CFDP1: variants seen among roughly 807,000 people sequenced by gnomAD.
CFDP1 encodes heterochromatin-stabilizing protein CFDP1.
Under a neutral mutation model 40.1 loss-of-function variants are expected in CFDP1, and 31 were observed. That is an observed-to-expected ratio of 0.77 (90% CI 0.58 to 1.04). CFDP1 has a LOEUF of 1.04. CFDP1 is among the 50% of genes least tolerant of loss of function. The pLI, the probability that CFDP1 is intolerant of heterozygous loss-of-function variation, is 0.00. For synonymous variants in CFDP1, 167 were observed against 120.0 expected, an observed-to-expected ratio of 1.39 and a Z score of -2.56; for missense variants, 423 against 343.4, an observed-to-expected ratio of 1.23 and a Z score of -1.83.
At chr16:75,328,118 T>C (rs2078416940) in intron 5 of CFDP1, among the ~76,000 whole-genome samples, 1 of 149,958 alleles carries the variant, frequency 6.7e-6, no homozygotes, top group Non-Finnish European at 1.5e-5. Flanking sequence ...TGTTAAATCC[T>C]CTTCTAAAAC....
chr16:75,328,629 G>A (rs2078422192), intron 5 of CFDP1, among the ~76,000 whole-genome samples: 2 of 144,482 alleles, frequency 1.4e-5, no homozygotes, highest in Non-Finnish European at 1.5e-5. Context: ...AAAAACTAGA[G>A]TGGAGGAAGT....
chr16:75,423,197 C>T lies in CFDP1; in HGVS notation c.65-8502G>A, dbSNP rs534466211. Among the ~76,000 whole-genome samples, 27 of 148,962 alleles carry T rather than the reference C, an allele frequency of 1.8e-4. No individual in the cohort carries two copies. In the East Asian group the frequency reaches 5.4e-3, roughly 30 times the overall value. ...TCGGGAGGCTGAGGCAGGAGAATGG[C>T]GTGAACCCGGGAGGCAGGGCTGGCA... On this transcript the variant is annotated intron_variant, in intron 1 of 6. Coordinates refer to ENST00000283882, the MANE Select transcript of CFDP1 (RefSeq NM_006324.3).
intron 5 of CFDP1, among the ~76,000 whole-genome samples, chr16:75,386,284 A>C (rs1272812286): frequency 2.6e-5 from 4 of 152,256 alleles, no homozygotes; most frequent in African/African-American, 7.2e-5. Flanking sequence ...AGAATTTTCT[A>C]AGAACACTAG....
chr16:75,386,260 G>A (rs1212575521), intron 5 of CFDP1, among the ~76,000 whole-genome samples: 1 of 152,140 alleles, frequency 6.6e-6, no homozygotes, highest in African/African-American at 2.4e-5. Flanking sequence ...TGTAAATAAA[G>A]TTCATCTCTT....
At chr16:75,357,501 T>C (rs1037282534) in intron 5 of CFDP1, among the ~76,000 whole-genome samples, 12 of 152,142 alleles carry the variant, frequency 7.9e-5, no homozygotes, top group African/African-American at 2.9e-4. Flanking sequence ...CTGATCTACC[T>C]GCCTTGACTT....
chr16:75,319,337 CAG>C (rs1477545033), intron 5 of CFDP1, among the ~76,000 whole-genome samples: 1 of 152,180 alleles, frequency 6.6e-6, no homozygotes, highest in Non-Finnish European at 1.5e-5. Flanking sequence ...CCACCACGCC[CAG>C]CCCCAAACTT....
At chr16:75,376,882 T>C (rs1184073702) in intron 5 of CFDP1, among the ~76,000 whole-genome samples, 1 of 152,218 alleles carries the variant, frequency 6.6e-6, no homozygotes, top group Admixed American at 6.5e-5. Context: ...ACCCTTTTCC[T>C]AGAAATTTCT....
intron 4 of CFDP1, among the ~76,000 whole-genome samples, chr16:75,405,038 G>A (rs148100658): frequency 6.6e-6 from 1 of 152,270 alleles, no homozygotes; most frequent in African/African-American, 2.4e-5. Context: ...GATGAGATGG[G>A]CACAGAAATT....
chr16:75,339,215 A>G (rs2078510136), intron 5 of CFDP1, among the ~76,000 whole-genome samples: 1 of 151,868 alleles, frequency 6.6e-6, no homozygotes, highest in Non-Finnish European at 1.5e-5. Context: ...TTTATATTCT[A>G]GGACAATTCT....
intron 5 of CFDP1, among the ~76,000 whole-genome samples, chr16:75,336,157 C>G (rs575268731): frequency 6.6e-6 from 1 of 152,294 alleles, no homozygotes; most frequent in South Asian, 2.1e-4. Context: ...ATTAAGCAAA[C>G]ACTGAGCACT....
At chr16:75,328,134 T>A (rs1005550645) in intron 5 of CFDP1, among the ~76,000 whole-genome samples, 11 of 149,714 alleles carry the variant, frequency 7.3e-5, no homozygotes, top group Non-Finnish European at 1.0e-4. Context: ...AAAACAGGAA[T>A]TGGTACTTGA....
In CFDP1 at chr16:75,433,472, A is replaced by G; in HGVS notation, c.-120T>C. 1.1e-6 allele frequency: 1 copy of G among 915,512 alleles called. No individual in the cohort carries two copies. The highest frequency in any genetic ancestry group is 1.4e-5 in the South Asian group (1 of 69,066). The allele number at this position is 915,512 out of a possible 1,614,324, so 56.7% of individuals were successfully genotyped here. The stretch of plus-strand genomic sequence containing the variant: ...GCGACGGCAGCTAGGGCGGCCCCCG[A>G]CAGCGCTTTGCACATGCGCAGAGAG... On this transcript the variant is annotated 5_prime_UTR_variant, in exon 1 of 7. Transcript: ENST00000283882.
chr16:75,427,332 C>A (rs1261553363), intron 1 of CFDP1, among the ~76,000 whole-genome samples: 1 of 151,956 alleles, frequency 6.6e-6, no homozygotes, highest in African/African-American at 2.4e-5. Context: ...CTCACTGCAA[C>A]CTCCACCTCC....
intron 5 of CFDP1, among the ~76,000 whole-genome samples, chr16:75,383,996 C>T (rs1401765392): frequency 6.6e-6 from 1 of 152,048 alleles, no homozygotes; most frequent in Non-Finnish European, 1.5e-5. Flanking sequence ...TTTATTCATT[C>T]CGTAACATTT....
intron 5 of CFDP1, among the ~76,000 whole-genome samples, chr16:75,382,257 G>GTTGGC (rs1446372515): frequency 2.0e-5 from 3 of 152,118 alleles, no homozygotes; most frequent in Admixed American, 2.0e-4. Flanking sequence ...CTAATTTCCT[G>GTTGGC]AGTGATTGAT....
intron 4 of CFDP1, among the ~76,000 whole-genome samples, chr16:75,395,426 C>G (rs111981839): frequency 6.6e-6 from 1 of 151,984 alleles, no homozygotes; most frequent in Non-Finnish European, 1.5e-5. Context: ...TTTGGGAGGC[C>G]GAGGCAGGCG....
chr16:75,350,640 T>C (rs563213336), intron 5 of CFDP1, among the ~76,000 whole-genome samples: 4 of 152,142 alleles, frequency 2.6e-5, no homozygotes, highest in Non-Finnish European at 5.9e-5. Flanking sequence ...AGCATAAGAC[T>C]ATTCATTGCA....
intron 5 of CFDP1, among the ~76,000 whole-genome samples, chr16:75,381,562 G>A (rs1220029549): frequency 1.3e-5 from 2 of 152,096 alleles, no homozygotes; most frequent in African/African-American, 4.8e-5. Context: ...CTCTACCAAC[G>A]ACAGGCAGTT....
At chr16:75,301,478 G>A (rs912772699) in intron 6 of CFDP1, among the ~76,000 whole-genome samples, 2 of 144,816 alleles carry the variant, frequency 1.4e-5, no homozygotes, top group African/African-American at 2.6e-5. Context: ...GCCTGTGTCT[G>A]TGTCTTCATT....
Sources: allele counts gnomAD v4.1 joint callset (sites outside exome capture counted in the v4.1 genomes callset), GRCh38; gene constraint gnomAD v4.1.1; transcripts MANE v1.5; gene names NCBI Gene and HGNC (gene_info 2026-07-23, HGNC 2026-07-21).